MYOF: variants seen among roughly 807,000 people sequenced by gnomAD.
MYOF encodes fer-1-like 3, myoferlin.
MYOF carries 244 observed loss-of-function variants against 284.2 expected under a neutral mutation model. The ratio of observed to expected loss-of-function variants is 0.86; its 90% confidence interval spans 0.77 to 0.95. The LOEUF is 0.95. Among genes scored for constraint, MYOF ranks in the 40% least tolerant of loss-of-function variants. The pLI, the probability that MYOF is intolerant of heterozygous loss-of-function variation, is 0.00. For synonymous variants in MYOF, 904 were observed against 919.7 expected, an observed-to-expected ratio of 0.98 and a Z score of 0.31; for missense variants, 2,496 against 2,560.6, an observed-to-expected ratio of 0.97 and a Z score of 0.54.
At chr10:93,429,506 T>C (rs10882232) in intron 4 of MYOF, among the ~76,000 whole-genome samples, 66,088 of 152,080 alleles carry the variant, frequency 0.43, 15,363 homozygotes, top group East Asian at 0.97. Context: ...AGAAAAATCA[T>C]TGACTTATAC....
At chr10:93,336,419 A>G (rs577393362) in intron 40 of MYOF, among the ~76,000 whole-genome samples, 1 of 152,216 alleles carries the variant, frequency 6.6e-6, no homozygotes, top group East Asian at 1.9e-4. Context: ...CTATGAATAC[A>G]CACAACCACA....
chr10:93,382,469 TG>T (rs1448335898), intron 19 of MYOF, among the ~76,000 whole-genome samples: 1 of 152,200 alleles, frequency 6.6e-6, no homozygotes, highest in Non-Finnish European at 1.5e-5. Flanking sequence ...ATAAGGAAAC[TG>T]GGTAAATTTA....
chr10:93,476,211 A>G (rs1253263617), intron 1 of MYOF, among the ~76,000 whole-genome samples: 1 of 142,980 alleles, frequency 7.0e-6, no homozygotes, highest in Non-Finnish European at 1.5e-5. Flanking sequence ...AGTGAATACT[A>G]TCCATGAGCT....
At chr10:93,438,727 G>A (rs2056151312) in intron 3 of MYOF, among the ~76,000 whole-genome samples, 1 of 152,124 alleles carries the variant, frequency 6.6e-6, no homozygotes, top group South Asian at 2.1e-4. Context: ...TGGGGAGAGG[G>A]GGGCTTGAGT....
At position 93,310,538 on chromosome 10, in the gene MYOF, G is replaced by T; in HGVS notation, c.5995C>A (p.Pro1999Thr). The T allele has an allele frequency of 1.9e-6, 3 of 1,614,092 alleles. No homozygotes were observed. Among genetic ancestry groups the T allele is most frequent in the Non-Finnish European group, 2.5e-6 (3 of 1,179,982 alleles). ...AGAACAAAGAAGGCCTCTCACTTTG[G>T]TAAGTCCAGCTTGGGGTTCATGTTG... ...EPNMNPKLDL[P>T]NRPETSFLWF... Residue 1999 changes from proline to threonine, a missense_variant, in exon 52 of 54, where the codon CCA (proline) becomes ACA (threonine). Pro to Thr is a conservative substitution (Grantham distance 38, BLOSUM62 -1). Transcript: ENST00000359263.
chr10:93,330,350 T>C (rs912668814), intron 43 of MYOF, among the ~76,000 whole-genome samples: 4 of 152,162 alleles, frequency 2.6e-5, no homozygotes, highest in Non-Finnish European at 5.9e-5. Context: ...AAGGCACAAG[T>C]ACCCTGACTT....
At chr10:93,315,742 C>CA (rs1391902909) in intron 50 of MYOF, among the ~76,000 whole-genome samples, 1 of 152,086 alleles carries the variant, frequency 6.6e-6, no homozygotes, top group East Asian at 1.9e-4. Context: ...CATGACCTTC[C>CA]ACTGAGGTGA....
intron 31 of MYOF, among the ~76,000 whole-genome samples, chr10:93,355,292 C>T (rs1374201791): frequency 6.6e-6 from 1 of 152,210 alleles, no homozygotes; most frequent in Non-Finnish European, 1.5e-5. Flanking sequence ...TTCACAAAGT[C>T]ATGTTTAAAA....
chr10:93,321,321 A>G (rs1007197680), intron 48 of MYOF, among the ~76,000 whole-genome samples: 1 of 151,474 alleles, frequency 6.6e-6, no homozygotes, highest in East Asian at 1.9e-4. Context: ...TAGTAGTGGT[A>G]TTAATACCAA....
intron 4 of MYOF, 141 bp downstream of exon 4, chr10:93,431,267 G>T: frequency 1.8e-6 from 1 of 568,726 alleles, no homozygotes; most frequent in South Asian, 2.0e-5. Context: ...GACCTCAGGT[G>T]ATCCACCCAA....
chr10:93,482,053 A>G (rs976233133), intron 1 of MYOF, 54 bp downstream of exon 1: 6 of 1,517,444 alleles, frequency 4.0e-6, no homozygotes, highest in Non-Finnish European at 4.6e-6. Context: ...AGGTGACTCA[A>G]GAAACTAACA....
At chr10:93,341,959 C>T in intron 38 of MYOF, 2 of 1,289,794 alleles carry the variant, frequency 1.6e-6, no homozygotes, top group Non-Finnish European at 2.0e-6. Context: ...TGTTGACATA[C>T]TGCTTAAGCA....
intron 32 of MYOF, among the ~76,000 whole-genome samples, 154 bp from the exon 33 acceptor site, chr10:93,352,000 C>G (rs192541550): frequency 6.6e-6 from 1 of 152,284 alleles, no homozygotes; most frequent in East Asian, 1.9e-4. Flanking sequence ...AGGGAGTTCC[C>G]CATGGAAGGT....
intron 1 of MYOF, among the ~76,000 whole-genome samples, chr10:93,461,522 G>A (rs1014719995): frequency 1.3e-5 from 2 of 152,192 alleles, no homozygotes; most frequent in Admixed American, 6.5e-5. Flanking sequence ...CACAGAAGAT[G>A]CAGAGGCTGA....
intron 5 of MYOF, among the ~76,000 whole-genome samples, chr10:93,425,317 CTG>C (rs1564707786): frequency 1.3e-5 from 2 of 152,226 alleles, no homozygotes; most frequent in South Asian, 4.2e-4. Flanking sequence ...CATGCCGAGA[CTG>C]TGCCTTGGTC....
chr10:93,421,950 A>ATT (rs1331136537), intron 5 of MYOF, among the ~76,000 whole-genome samples: 1 of 151,754 alleles, frequency 6.6e-6, no homozygotes, highest in Non-Finnish European at 1.5e-5. Context: ...TTTTTTTTAA[A>ATT]TGCTGAAGGA....
chr10:93,417,998 T>G (rs368341251), intron 5 of MYOF, among the ~76,000 whole-genome samples: 2 of 152,168 alleles, frequency 1.3e-5, no homozygotes, highest in Non-Finnish European at 2.9e-5. Flanking sequence ...TGGAGTCTCA[T>G]TATGTTGCCC....
chr10:93,333,948 T>C (rs367983703), intron 41 of MYOF, 35 bp from the exon 42 acceptor site: 7 of 1,601,678 alleles, frequency 4.4e-6, no homozygotes, highest in Non-Finnish European at 6.0e-6. Flanking sequence ...CACAGGGCCC[T>C]GGGTGGCCCA....
At chr10:93,315,463 C>T (rs1021357933) in intron 50 of MYOF, among the ~76,000 whole-genome samples, 11 of 152,028 alleles carry the variant, frequency 7.2e-5, no homozygotes, top group Admixed American at 3.3e-4. Flanking sequence ...CGGGTGCTTT[C>T]GCCTGGGTGG....
Sources: allele counts gnomAD v4.1 joint callset (sites outside exome capture counted in the v4.1 genomes callset), GRCh38; gene constraint gnomAD v4.1.1; transcripts MANE v1.5; gene names NCBI Gene and HGNC (gene_info 2026-07-23, HGNC 2026-07-21).